HM13: variants seen among roughly 807,000 people sequenced by gnomAD.
HM13 encodes the protein signal peptide peptidase.
In HM13, 18 loss-of-function variants were observed where a neutral mutation model predicts 50.0. The ratio of observed to expected loss-of-function variants is 0.36; its 90% CI spans 0.25 to 0.53. The LOEUF is 0.53. Ranked by LOEUF, HM13 falls within the 20% of genes least tolerant of loss-of-function variation. The pLI is 0.90. For missense variants in HM13, 393 were observed against 552.4 expected (o/e 0.71, Z 2.89); for synonymous variants, 197 against 232.6 (o/e 0.85, Z 1.39).
intron 3 of HM13, chr20:31,539,979 G>C (rs1039094266): frequency 6.6e-6 from 1 of 152,202 alleles, no homozygotes; most frequent in Non-Finnish European, 1.5e-5. Flanking sequence ...ATAAAATGGA[G>C]AGACTACAGG....
intron 1 of HM13, among the ~76,000 whole-genome samples, chr20:31,523,921 C>G (rs573725967): frequency 3.7e-4 from 57 of 152,300 alleles, no homozygotes; most frequent in Non-Finnish European, 6.9e-4. Context: ...AGGGGAGGGT[C>G]TCCCTTCCAG....
rs761563799 is a variant in HM13 at position 31,538,194 on chromosome 20, T to C, written c.298T>C (p.Tyr100His). 1 of 1,613,600 alleles carries C rather than the reference T, an allele frequency of 6.2e-7. No individual in the cohort carries two copies. The highest frequency in any genetic ancestry group is 1.1e-5 in the South Asian group (1 of 91,060). The change falls in exon 3 of 13, where the codon TAC becomes CAC. Residue 100 changes from tyrosine (Y) to histidine (H), a missense_variant. Coordinates refer to ENST00000398174, the MANE Select transcript of HM13 (RefSeq NM_178581.3). Reference sequence around the variant, plus strand: ...TCTGCCTCAGATATTCTCCCAGGAGTACATCAACCTCCTGCTGTCCATGTA... The same window carrying C: ...TCTGCCTCAGATATTCTCCCAGGAGCACATCAACCTCCTGCTGTCCATGTA... ...YLFFKIFSQE[Y>H]INLLLSMYFF...
chr20:31,537,938 G>T (rs1455005935), intron 2 of HM13, among the ~76,000 whole-genome samples: 5 of 152,180 alleles, frequency 3.3e-5, no homozygotes. Context: ...TCCAGATAAT[G>T]GAGCCACTAA....
intron 3 of HM13, chr20:31,539,564 G>A (rs376989778): frequency 7.6e-6 from 7 of 925,198 alleles, no homozygotes. Flanking sequence ...GGGAGGCCAA[G>A]GCAGGCGGAT....
intron 8 of HM13, among the ~76,000 whole-genome samples, chr20:31,558,697 G>A (rs1013539792): frequency 6.6e-6 from 1 of 152,116 alleles, no homozygotes; most frequent in Non-Finnish European, 1.5e-5. Flanking sequence ...AGAATTGCAG[G>A]CGTGCACTGC....
At chr20:31,543,601 A>T (rs997800760) in intron 3 of HM13, among the ~76,000 whole-genome samples, 42 of 151,566 alleles carry the variant, frequency 2.8e-4, no homozygotes, top group African/African-American at 1.0e-3. Flanking sequence ...AGGGTTCTTG[A>T]ATCTACATCT....
At chr20:31,533,427 C>G (rs143246601) in intron 2 of HM13, among the ~76,000 whole-genome samples, 3,498 of 152,316 alleles carry the variant, frequency 0.023, 126 homozygotes, top group African/African-American at 0.075. Flanking sequence ...ATCGCTTGAA[C>G]CCAGGAGGCA....
chr20:31,532,593 A>T (rs546575832), intron 2 of HM13, among the ~76,000 whole-genome samples: 1 of 151,872 alleles, frequency 6.6e-6, no homozygotes, highest in African/African-American at 2.4e-5. Context: ...AGCTGCTTTA[A>T]TGCATTTGAC....
intron 2 of HM13, among the ~76,000 whole-genome samples, chr20:31,532,380 G>A (rs950851785): frequency 4.6e-5 from 7 of 152,100 alleles, no homozygotes; most frequent in Admixed American, 3.3e-4. Context: ...AGCCGAGATC[G>A]TGCCCCTGCA....
intron 1 of HM13, among the ~76,000 whole-genome samples, chr20:31,515,253 A>G (rs546217113): frequency 2.0e-5 from 3 of 152,282 alleles, no homozygotes; most frequent in South Asian, 2.1e-4. Flanking sequence ...ACTGGAATCT[A>G]TGGCACCTTA....
chr20:31,568,318 G>A (rs1034454569), intron 12 of HM13, 94 bp downstream of exon 12: 2 of 1,483,332 alleles, frequency 1.3e-6, no homozygotes, highest in Non-Finnish European at 1.8e-6. Flanking sequence ...ATAGGGCAGG[G>A]ACCATTGCCA....
At chr20:31,564,749 G>A (rs557039252) in intron 10 of HM13, among the ~76,000 whole-genome samples, 3 of 145,460 alleles carry the variant, frequency 2.1e-5, no homozygotes, top group Non-Finnish European at 4.5e-5. Flanking sequence ...GGTGGCGCAT[G>A]CCTGTAATCC....
rs779191250 is a variant in HM13 at position 31,549,017 on chromosome 20, C to G, written c.455-12C>G. 6.2e-7 allele frequency: 1 copy of G among 1,613,564 alleles called. No individual in the cohort carries two copies. Among genetic ancestry groups the G allele is most frequent in the Non-Finnish European group, 8.5e-7 (1 of 1,179,592 alleles). On this transcript the variant is annotated splice_polypyrimidine_tract_variant and intron_variant, in intron 4 of 12. Coordinates refer to ENST00000398174, the MANE Select transcript of HM13 (RefSeq NM_178581.3). ...GCCTCAGGGAGTGGACTTACCTGGC[C>G]TCTCTGCTCAGAGATCATCAATTAT... is the stretch of plus-strand genomic sequence containing the variant.
At chr20:31,538,319 T>A in intron 3 of HM13, 58 bp downstream of exon 3, 1 of 1,613,894 alleles carries the variant, frequency 6.2e-7, no homozygotes, top group Non-Finnish European at 8.5e-7. Context: ...CAGTACAGGG[T>A]CTTGGATGAG....
chr20:31,548,878 C>T, intron 4 of HM13, 151 bp from the exon 5 acceptor site: 1 of 720,798 alleles, frequency 1.4e-6, no homozygotes, highest in South Asian at 1.6e-5. Context: ...CCTTCTGAAA[C>T]TCATACTAAT....
Position 31,569,286 on chromosome 20 carries a change from C to A in HM13, c.*67C>A. On this transcript the variant is annotated 3_prime_UTR_variant, in exon 13 of 13. Transcript: ENST00000398174. Reference sequence around the variant, plus strand: ...TGGGGGCTGGGCCCACACAGGCGTGCACCGGTAGAGGGCACAGGAGGCCAA... The same window carrying A: ...TGGGGGCTGGGCCCACACAGGCGTGAACCGGTAGAGGGCACAGGAGGCCAA... 2.6e-6 allele frequency: 3 copies of A among 1,164,820 alleles called. No homozygotes were observed. The highest frequency in any genetic ancestry group is 3.7e-6 in the Non-Finnish European group (3 of 800,772). 72.2% of individuals were successfully genotyped at this position (1,164,820 alleles called of 1,614,324 possible).
rs776512405 is a variant in HM13 at position 31,568,145 on chromosome 20, TC to T, written c.1106del (p.Pro369GlnfsTer12). The T allele has an allele frequency of 6.2e-7, 1 of 1,612,776 alleles. No homozygotes were observed. Among genetic ancestry groups the T allele is most frequent in the African/African-American group, 1.3e-5 (1 of 75,010 alleles). On this transcript the variant is annotated frameshift_variant, in exon 12 of 13. Coordinates refer to ENST00000398174, the MANE Select transcript of HM13 (RefSeq NM_178581.3). LOFTEE classifies it high-confidence loss of function. ...CACCCACTTCCCCACAGTCTCGGGC[TC>T]CCCAGCCAGCCTGGCCGACTCCATG... Reference protein sequence around the residue: ...RLTHFPTVSGSPASLADSMQQ... With the variant: ...RLTHFPTVSGXPASLADSMQQ...
At chr20:31,517,339 C>T (rs996688165) in intron 1 of HM13, among the ~76,000 whole-genome samples, 1 of 152,094 alleles carries the variant, frequency 6.6e-6, no homozygotes. Flanking sequence ...CAGAGCAGCA[C>T]CCATCACTGT....
chr20:31,561,744 G>C lies in HM13; in HGVS notation c.948+8G>C. On this transcript the variant is annotated splice_region_variant and intron_variant, in intron 10 of 12. Transcript: ENST00000398174. ...ATCTTCAAGCATGCTCAGGTGGGCA[G>C]GACGGTATCAGAGTGTCAGGAATGC... 6.3e-7 allele frequency: 1 copy of C among 1,583,034 alleles called. No individual in the cohort carries two copies. Among genetic ancestry groups the C allele is most frequent in the Non-Finnish European group, 8.7e-7 (1 of 1,151,600 alleles).
Sources: allele counts gnomAD v4.1 joint callset (sites outside exome capture counted in the v4.1 genomes callset), GRCh38; gene constraint gnomAD v4.1.1; transcripts MANE v1.5; gene names NCBI Gene and HGNC (gene_info 2026-07-23, HGNC 2026-07-21).